The following CNIH3 variants were observed in gnomAD, a reference collection of about 807,000 sequenced individuals.
CNIH3 encodes the protein cornichon family AMPA receptor auxiliary protein 3.
Under a neutral mutation model 24.1 loss-of-function variants are expected in CNIH3, and 14 were observed. The observed-to-expected ratio is 0.58, with a 90% CI of 0.38 to 0.91. The LOEUF is 0.91. CNIH3 is among the 40% of genes least tolerant of loss of function. The pLI is 0.00. For synonymous variants in CNIH3, 68 were observed against 73.8 expected, an observed-to-expected ratio of 0.92 and a Z score of 0.40; for missense variants, 178 against 196.8, an observed-to-expected ratio of 0.90 and a Z score of 0.57.
chr1:224,533,688 G>A (rs1420021234), intron 2 of CNIH3, among the ~76,000 whole-genome samples: 2 of 152,010 alleles, frequency 1.3e-5, no homozygotes, highest in South Asian at 2.1e-4. Flanking sequence ...TTATCATGTG[G>A]AGCTCTCCCT....
chr1:224,469,584 T>A (rs750902526), intron 1 of CNIH3, among the ~76,000 whole-genome samples: 3 of 152,222 alleles, frequency 2.0e-5, no homozygotes, highest in Non-Finnish European at 4.4e-5. Flanking sequence ...TCATAGCTAA[T>A]TGTAATCTCA....
At chr1:224,494,017 G>A (rs1398346594) in intron 1 of CNIH3, among the ~76,000 whole-genome samples, 1 of 152,204 alleles carries the variant, frequency 6.6e-6, no homozygotes, top group South Asian at 2.1e-4. Context: ...TGGAAGATCA[G>A]ATGTGGTTCT....
intron 1 of CNIH3, among the ~76,000 whole-genome samples, chr1:224,486,255 G>A (rs1345388846): frequency 6.6e-6 from 1 of 151,858 alleles, no homozygotes; most frequent in Non-Finnish European, 1.5e-5. Context: ...ACAGGGGCAT[G>A]CCACCATGCC....
chr1:224,697,965 A>T (rs1231547073), intron 3 of CNIH3, among the ~76,000 whole-genome samples: 4 of 152,220 alleles, frequency 2.6e-5, no homozygotes, highest in Non-Finnish European at 4.4e-5. Context: ...ATTAATTCGC[A>T]TGCTCCAGAC....
intron 3 of CNIH3, among the ~76,000 whole-genome samples, chr1:224,718,475 C>T (rs966996332): frequency 3.3e-5 from 5 of 152,076 alleles, no homozygotes; most frequent in African/African-American, 4.8e-5. Context: ...TAGAGACCAT[C>T]GTAAGGAGTT....
intron 1 of CNIH3, among the ~76,000 whole-genome samples, chr1:224,640,556 G>A (rs1243001208): frequency 6.6e-6 from 1 of 152,192 alleles, no homozygotes; most frequent in Non-Finnish European, 1.5e-5. Context: ...CCTTTTCTGC[G>A]ATCTGAATAA....
chr1:224,591,586 G>T (rs776907969), downstream of CNIH3, among the ~76,000 whole-genome samples: 1 of 152,146 alleles, frequency 6.6e-6, no homozygotes, highest in African/African-American at 2.4e-5. Context: ...TTGGAGAATG[G>T]TTCCAACTGG....
chr1:224,512,175 C>CAA (rs71779272), upstream of CNIH3, among the ~76,000 whole-genome samples: 503 of 132,994 alleles, frequency 3.8e-3, 3 homozygotes, highest in African/African-American at 0.013. Context: ...AACACCGTCT[C>CAA]AAAAAAAAAA....
rs536710916 is a variant in CNIH3, at chr1:224,459,266, A to C, written n.203+24404A>C. ...ACATGCTGGAGGAAACAGAAGGCCG[A>C]AACCCTGATGACTTCACAGAGCTGC... On this transcript the variant is annotated intron_variant and non_coding_transcript_variant, in intron 1 of 5. Transcript: ENST00000471578. 7 of 968,448 alleles carry C rather than the reference A, an allele frequency of 7.2e-6. No individual in the cohort carries two copies. In the South Asian group the frequency reaches 3.3e-4, roughly 46 times the overall value. 60.0% of individuals were successfully genotyped at this position (968,448 alleles called of 1,614,324 possible). A position where few individuals can be genotyped will look rare whatever the true frequency, so the allele number is the denominator to read the frequency against.
downstream of CNIH3, among the ~76,000 whole-genome samples, chr1:224,589,417 A>G (rs898223083): frequency 6.6e-6 from 1 of 152,188 alleles, no homozygotes; most frequent in African/African-American, 2.4e-5. Context: ...CTGGGGCTAA[A>G]TGAGGGTAAG....
chr1:224,435,233 C>A (rs768673793), intron 1 of CNIH3: 1 of 984,806 alleles, frequency 1.0e-6, no homozygotes, highest in South Asian at 4.7e-5. Flanking sequence ...GCAGGAACTT[C>A]CAGGCACAGG....
At chr1:224,482,576 A>C (rs1269135918) in intron 1 of CNIH3, among the ~76,000 whole-genome samples, 1 of 151,954 alleles carries the variant, frequency 6.6e-6, no homozygotes, top group Non-Finnish European at 1.5e-5. Context: ...GACTCTGCCC[A>C]GTGCCCTATC....
chr1:224,708,955 T>C (rs1687977976), intron 3 of CNIH3, among the ~76,000 whole-genome samples: 1 of 152,168 alleles, frequency 6.6e-6, no homozygotes, highest in African/African-American at 2.4e-5. Context: ...AAGCTGCTTT[T>C]GAAAAAAACA....
At chr1:224,498,250 T>C (rs1180564873) in intron 1 of CNIH3, among the ~76,000 whole-genome samples, 1 of 152,144 alleles carries the variant, frequency 6.6e-6, no homozygotes, top group Admixed American at 6.5e-5. Flanking sequence ...CTCTTAGGAT[T>C]AGGCTAACAT....
At chr1:224,642,582 A>T (rs1684413300) in intron 1 of CNIH3, among the ~76,000 whole-genome samples, 2 of 152,126 alleles carry the variant, frequency 1.3e-5, no homozygotes. Context: ...CACAGGGAGT[A>T]AATGGCTGAG....
At chr1:224,665,679 T>C (rs1465161059) in intron 1 of CNIH3, among the ~76,000 whole-genome samples, 3 of 152,246 alleles carry the variant, frequency 2.0e-5, no homozygotes, top group Non-Finnish European at 4.4e-5. Flanking sequence ...GACTCACTTA[T>C]GAGATCAAAG....
intron 5 of CNIH3, among the ~76,000 whole-genome samples, chr1:224,585,439 A>G (rs1171222820): frequency 6.6e-6 from 1 of 151,878 alleles, no homozygotes; most frequent in African/African-American, 2.4e-5. Flanking sequence ...GCCCAGTAAT[A>G]TACTGGTGAT....
intron 3 of CNIH3, among the ~76,000 whole-genome samples, chr1:224,687,138 T>G (rs1686701395): frequency 6.6e-6 from 1 of 152,244 alleles, no homozygotes; most frequent in Non-Finnish European, 1.5e-5. Context: ...TCACACCTTC[T>G]GCAGCCTGAC....
intron 1 of CNIH3, among the ~76,000 whole-genome samples, chr1:224,502,721 C>T (rs1190383031): frequency 1.3e-5 from 2 of 152,218 alleles, no homozygotes; most frequent in Admixed American, 1.3e-4. Context: ...AGACTGTCCC[C>T]TTTTCATAGT....
Sources: allele counts gnomAD v4.1 joint callset (sites outside exome capture counted in the v4.1 genomes callset), GRCh38; gene constraint gnomAD v4.1.1; transcripts MANE v1.5; gene names NCBI Gene and HGNC (gene_info 2026-07-23, HGNC 2026-07-21).